The following CHMP3 variants were observed in gnomAD, a reference collection of about 807,000 sequenced individuals.
CHMP3 encodes charged multivesicular body protein 3.
In CHMP3, 8 loss-of-function variants were observed where a neutral mutation model predicts 27.4. The ratio of observed to expected loss-of-function variants is 0.29; its 90% CI spans 0.17 to 0.53. CHMP3 has a LOEUF of 0.53. CHMP3 is among the 20% of genes least tolerant of loss of function. The pLI is 0.96. For missense variants in CHMP3, 208 were observed against 271.5 expected, an observed-to-expected ratio of 0.77 and a Z score of 1.64; for synonymous variants, 86 against 85.5, an observed-to-expected ratio of 1.01 and a Z score of -0.03.
intron 1 of CHMP3, among the ~76,000 whole-genome samples, chr2:86,546,228 G>A (rs1162734254): frequency 1.3e-5 from 2 of 152,088 alleles, no homozygotes; most frequent in Admixed American, 6.5e-5. Context: ...GTCAGGTGTG[G>A]CGGTGCGTGC....
chr2:86,529,088 A>T, intron 3 of CHMP3, 130 bp downstream of exon 3: 1 of 1,038,352 alleles, frequency 9.6e-7, no homozygotes, highest in Non-Finnish European at 1.3e-6. Context: ...TTGCATTTCT[A>T]CAACACTCAA....
chr2:86,520,367 G>A lies in CHMP3; in HGVS notation c.286+8851C>T, dbSNP rs147997106. Reference sequence around the variant, plus strand: ...GGAAGCAGGCACATCTCCACTGGCCGGCAGGAGACAGAGAGAGAGAGAGAG... The same window carrying A: ...GGAAGCAGGCACATCTCCACTGGCCAGCAGGAGACAGAGAGAGAGAGAGAG... On this transcript the variant is annotated intron_variant, in intron 3 of 5. Transcript: ENST00000263856. Among the ~76,000 whole-genome samples, 270 of 152,146 alleles carry A rather than the reference G, an allele frequency of 1.8e-3. 2 individuals carry two copies. Among genetic ancestry groups the A allele is most frequent in the African/African-American group, 6.3e-3 (261 of 41,494 alleles).
At chr2:86,543,731 G>C (rs1032635767) in intron 1 of CHMP3, among the ~76,000 whole-genome samples, 1 of 152,046 alleles carries the variant, frequency 6.6e-6, no homozygotes, top group Admixed American at 6.6e-5. Context: ...TTTTCTTCTA[G>C]GGAACCTCTC....
chr2:86,543,383 T>C (rs139699725), intron 1 of CHMP3, among the ~76,000 whole-genome samples: 2 of 152,218 alleles, frequency 1.3e-5, no homozygotes, highest in African/African-American at 2.4e-5. Context: ...ATCTGACATA[T>C]AGAGCTGGAA....
chr2:86,559,690 C>T (rs770643328), intron 1 of CHMP3, among the ~76,000 whole-genome samples: 2 of 152,126 alleles, frequency 1.3e-5, no homozygotes, highest in Non-Finnish European at 2.9e-5. Flanking sequence ...GAATGGGTAC[C>T]TTGAAGAACT....
intron 5 of CHMP3, chr2:86,507,194 A>C (rs546154696): frequency 5.9e-5 from 16 of 270,682 alleles, no homozygotes; most frequent in African/African-American, 2.9e-4. Context: ...GCTATGGCCA[A>C]ATTGCTTTCA....
intron 2 of CHMP3, among the ~76,000 whole-genome samples, chr2:86,538,653 C>G (rs1558655085): frequency 6.6e-6 from 1 of 152,060 alleles, no homozygotes; most frequent in Non-Finnish European, 1.5e-5. Flanking sequence ...GTCATGAGTG[C>G]TCACCCAAGC....
At chr2:86,547,770 T>C (rs138185398) in intron 1 of CHMP3, among the ~76,000 whole-genome samples, 25 of 152,306 alleles carry the variant, frequency 1.6e-4, no homozygotes, top group African/African-American at 5.1e-4. Flanking sequence ...TTAGTGCCAA[T>C]AGGATTTCAG....
chr2:86,556,793 G>C (rs374733124), intron 1 of CHMP3, among the ~76,000 whole-genome samples: 2 of 152,114 alleles, frequency 1.3e-5, no homozygotes, highest in East Asian at 1.9e-4. Flanking sequence ...CACCCTCCTC[G>C]GGGTCTGTGA....
At chr2:86,540,415 A>C (rs750149343) in intron 2 of CHMP3, among the ~76,000 whole-genome samples, 1 of 151,962 alleles carries the variant, frequency 6.6e-6, no homozygotes, top group Non-Finnish European at 1.5e-5. Context: ...AATATCTCTT[A>C]TCCAACATGC....
intron 3 of CHMP3, among the ~76,000 whole-genome samples, chr2:86,528,037 AT>A (rs938452065): frequency 5.2e-4 from 78 of 149,798 alleles, no homozygotes; most frequent in African/African-American, 1.6e-3. Context: ...ACATTTTGTC[AT>A]TTTTTTTTTA....
At chr2:86,547,110 C>T (rs1676639900) in intron 1 of CHMP3, among the ~76,000 whole-genome samples, 1 of 152,168 alleles carries the variant, frequency 6.6e-6, no homozygotes, top group African/African-American at 2.4e-5. Flanking sequence ...CTGCACAGAA[C>T]CCTATACCCC....
intron 4 of CHMP3, among the ~76,000 whole-genome samples, chr2:86,509,407 GCTTT>G (rs1675006931): frequency 6.6e-6 from 1 of 152,086 alleles, no homozygotes; most frequent in South Asian, 2.1e-4. Context: ...TGGGCCCTGG[GCTTT>G]CTATGTCATT....
intron 3 of CHMP3, among the ~76,000 whole-genome samples, chr2:86,520,469 C>G (rs1354976653): frequency 1.3e-5 from 2 of 152,060 alleles, no homozygotes; most frequent in Non-Finnish European, 1.5e-5. Context: ...GGGGATGGTG[C>G]TAAACCATTA....
intron 1 of CHMP3, among the ~76,000 whole-genome samples, chr2:86,547,888 G>T (rs544719941): frequency 6.6e-6 from 1 of 152,178 alleles, no homozygotes; most frequent in Non-Finnish European, 1.5e-5. Context: ...GGAACCTATA[G>T]AAAGAGTTTC....
intron 1 of CHMP3, among the ~76,000 whole-genome samples, chr2:86,557,161 T>G (rs1257011031): frequency 6.6e-6 from 1 of 152,170 alleles, no homozygotes; most frequent in Non-Finnish European, 1.5e-5. Context: ...CTATCACCAT[T>G]CCCAACAAAC....
chr2:86,534,442 T>C (rs1443382261), intron 2 of CHMP3, among the ~76,000 whole-genome samples: 1 of 151,950 alleles, frequency 6.6e-6, no homozygotes, highest in Admixed American at 6.6e-5. Context: ...GTGATCCAAC[T>C]GCCTCGGCCT....
intron 1 of CHMP3, among the ~76,000 whole-genome samples, chr2:86,545,334 T>C (rs59093442): frequency 1.5e-5 from 1 of 68,370 alleles, no homozygotes; most frequent in Non-Finnish European, 2.8e-5. Flanking sequence ...GCTCCTCACC[T>C]CCCGGACGAA....
intron 1 of CHMP3, among the ~76,000 whole-genome samples, chr2:86,561,465 G>A (rs920502389): frequency 3.3e-5 from 5 of 152,136 alleles, no homozygotes; most frequent in African/African-American, 1.2e-4. Context: ...GAGCTTATTA[G>A]AAATCTCAGA....
Sources: allele counts gnomAD v4.1 joint callset (sites outside exome capture counted in the v4.1 genomes callset), GRCh38; gene constraint gnomAD v4.1.1; transcripts MANE v1.5; gene names NCBI Gene and HGNC (gene_info 2026-07-23, HGNC 2026-07-21).